Variants in MME observed in about 807,000 individuals in gnomAD.
The protein encoded by MME is neprilysin.
A neutral mutation model predicts 113.2 loss-of-function variants in MME; 98 were observed. The observed-to-expected ratio is 0.87, with a 90% confidence interval of 0.74 to 1.02. The LOEUF (loss-of-function observed/expected upper bound fraction) is 1.02, where lower values mean the gene tolerates loss of function less well. Ranked by LOEUF, MME falls within the 50% of genes least tolerant of loss-of-function variation. MME has a pLI of 0.00. For synonymous variants in MME, 292 were observed against 300.6 expected, an observed-to-expected ratio of 0.97 and a Z score of 0.30; for missense variants, 836 against 896.0, an observed-to-expected ratio of 0.93 and a Z score of 0.86.
chr3:155,077,620 AG>A (rs1389877885), upstream of MME, among the ~76,000 whole-genome samples: 1 of 152,170 alleles, frequency 6.6e-6, no homozygotes, highest in Non-Finnish European at 1.5e-5. Context: ...AGATGTGGGT[AG>A]TCCAAGCTAC....
At chr3:155,063,248 A>ATTTATATGT (rs1470643525) in intron 1 of MME, among the ~76,000 whole-genome samples, 63 of 116,794 alleles carry the variant, frequency 5.4e-4, no homozygotes, top group African/African-American at 2.0e-3. Flanking sequence ...ATTATATAAT[A>ATTTATATGT]ATATACATAT....
intron 3 of MME, among the ~76,000 whole-genome samples, chr3:155,114,315 G>A (rs547386123): frequency 6.6e-6 from 1 of 152,170 alleles, no homozygotes; most frequent in Non-Finnish European, 1.5e-5. Flanking sequence ...CAGAGTCAAC[G>A]TCTTGATTGT....
At chr3:155,148,683 A>C in intron 16 of MME, 30 bp downstream of exon 16, 1 of 1,487,828 alleles carries the variant, frequency 6.7e-7, no homozygotes, top group Non-Finnish European at 9.4e-7. Context: ...TAATGTGATC[A>C]TCTAGAAGCA....
At chr3:155,133,062 A>AAAATATATATATATATATATATATAT (rs1553762419) in intron 8 of MME, among the ~76,000 whole-genome samples, 83 of 74,830 alleles carry the variant, frequency 1.1e-3, no homozygotes, top group Non-Finnish European at 1.6e-3. Flanking sequence ...AAAAAAAAAA[A>AAAATATATATATATATATATATATAT]ATATATATAT....
At position 155,024,918 on chromosome 3, in the gene MME, T is replaced by C. The variant is rs147697771; in HGVS notation, c.-11+594T>C. ...AATTGGGGTGATATCTTTGGAAGCATAGGAAGGACCATCAAACAACTCAAA... is the reference window on the plus strand; with the variant it reads ...AATTGGGGTGATATCTTTGGAAGCACAGGAAGGACCATCAAACAACTCAAA... On this transcript the variant is annotated intron_variant, in intron 1 of 22. Coordinates refer to the MME transcript ENST00000492661. Among the ~76,000 whole-genome samples the C allele has an allele frequency of 2.5e-3, 377 of 152,258 alleles. 3 individuals carry two copies. The highest frequency in any genetic ancestry group is 8.8e-3 in the African/African-American group (367 of 41,558).
chr3:155,099,450 A>G (rs1267720746), intron 3 of MME, among the ~76,000 whole-genome samples: 1 of 152,182 alleles, frequency 6.6e-6, no homozygotes, highest in East Asian at 1.9e-4. Flanking sequence ...TTCACCGTGA[A>G]GCTAATGAAA....
intron 3 of MME, among the ~76,000 whole-genome samples, chr3:155,102,587 G>A (rs1421841157): frequency 2.6e-5 from 4 of 152,132 alleles, no homozygotes; most frequent in African/African-American, 9.7e-5. Context: ...ACTTGGCAGG[G>A]CATGTGTTAA....
intron 1 of MME, among the ~76,000 whole-genome samples, chr3:155,030,230 T>C (rs1243248601): frequency 6.6e-6 from 1 of 152,212 alleles, no homozygotes; most frequent in African/African-American, 2.4e-5. Flanking sequence ...TCTTCCTCAC[T>C]GTAAAAGTTT....
At chr3:155,162,150 A>G (rs1330732618) in intron 17 of MME, among the ~76,000 whole-genome samples, 1 of 152,180 alleles carries the variant, frequency 6.6e-6, no homozygotes, top group Non-Finnish European at 1.5e-5. Context: ...CCTGGATCCT[A>G]TCGGAGCTCA....
At position 155,080,432 on chromosome 3, in the gene MME, A is replaced by G. The variant is rs1313280701; in HGVS notation, c.-45A>G. 2 of 151,414 alleles carry G rather than the reference A, an allele frequency of 1.3e-5. No homozygotes were observed. Among genetic ancestry groups the G allele is most frequent in the Non-Finnish European group, 2.9e-5 (2 of 67,898 alleles). 9.4% of individuals were successfully genotyped at this position (151,414 alleles called of 1,614,324 possible). A position where few individuals can be genotyped will look rare whatever the true frequency, so the allele number is the denominator to read the frequency against. On this transcript the variant is annotated 5_prime_UTR_variant, in exon 1 of 23. Coordinates refer to ENST00000360490, the MANE Select transcript of MME (RefSeq NM_007289.4). ...GGGAATTTGCCATTCTGCTGTACAG[A>G]CACTGATTTTTTTTTCTTCTTTTTA...
chr3:155,102,544 T>C (rs1717344496), intron 3 of MME, among the ~76,000 whole-genome samples: 1 of 152,182 alleles, frequency 6.6e-6, no homozygotes, highest in South Asian at 2.1e-4. Flanking sequence ...GGAAAGAACT[T>C]GCTCTCACTT....
chr3:155,037,407 C>T (rs1383598158), intron 1 of MME, among the ~76,000 whole-genome samples: 2 of 151,986 alleles, frequency 1.3e-5, no homozygotes, highest in African/African-American at 4.8e-5. Context: ...GTAATTTGCC[C>T]CTGTTGGAAG....
intron 1 of MME, among the ~76,000 whole-genome samples, chr3:155,027,860 C>T (rs1253350496): frequency 6.6e-6 from 1 of 152,170 alleles, no homozygotes; most frequent in Non-Finnish European, 1.5e-5. Flanking sequence ...ATAATAGATA[C>T]TCAAAAAGTT....
upstream of MME, among the ~76,000 whole-genome samples, chr3:155,078,475 T>C (rs1714847555): frequency 6.6e-6 from 1 of 152,164 alleles, no homozygotes; most frequent in Non-Finnish European, 1.5e-5. Flanking sequence ...GTATTCCACT[T>C]ATTAGGATGA....
chr3:155,053,138 C>T (rs1247192017), intron 1 of MME, among the ~76,000 whole-genome samples: 1 of 152,154 alleles, frequency 6.6e-6, no homozygotes. Flanking sequence ...AAGTTCCAAA[C>T]TTTCCCACAT....
chr3:155,057,740 A>T (rs1713985051), intron 1 of MME, among the ~76,000 whole-genome samples: 1 of 149,980 alleles, frequency 6.7e-6, no homozygotes, highest in Admixed American at 6.7e-5. Context: ...GGCAGGGAAG[A>T]GAGAAGTAAA....
chr3:155,098,776 A>C lies in MME; in HGVS notation c.196+13682A>C, dbSNP rs373068446. Among the ~76,000 whole-genome samples, 30 of 152,178 alleles carry C rather than the reference A, an allele frequency of 2.0e-4. 1 individual carries two copies. The South Asian group carries it at 6.0e-3, about 31-fold the overall frequency. ...TGTCGTCATGAAAATGTGTAGACTA[A>C]TGTGAAGTGAAGGTGAAAGTTAGGA... On this transcript the variant is annotated intron_variant, in intron 3 of 22. Coordinates refer to ENST00000360490, the MANE Select transcript of MME (RefSeq NM_007289.4).
chr3:155,032,250 A>G (rs1314181770), intron 1 of MME, among the ~76,000 whole-genome samples: 1 of 152,232 alleles, frequency 6.6e-6, no homozygotes, highest in Non-Finnish European at 1.5e-5. Flanking sequence ...AGATTTGTCA[A>G]TTGAATCAAG....
intron 1 of MME, among the ~76,000 whole-genome samples, chr3:155,032,818 AC>A (rs1387779839): frequency 3.9e-5 from 6 of 152,242 alleles, no homozygotes; most frequent in Non-Finnish European, 4.4e-5. Flanking sequence ...AAAAGAGATT[AC>A]AAAAAATGGA....
Sources: gnomAD v4.1 joint callset for allele counts (sites outside exome capture counted in the v4.1 genomes callset) on GRCh38, gnomAD v4.1.1 for gene constraint, MANE v1.5 for transcripts, NCBI Gene and HGNC (gene_info 2026-07-23, HGNC 2026-07-21) for gene names.